CAMKK2: variants seen among roughly 807,000 people sequenced by gnomAD.
The protein encoded by CAMKK2 is calcium/calmodulin-dependent protein kinase kinase 2.
A neutral mutation model predicts 67.2 loss-of-function variants in CAMKK2; 30 were observed. The ratio of observed to expected loss-of-function variants is 0.45; its 90% confidence interval spans 0.33 to 0.61. The LOEUF (loss-of-function observed/expected upper bound fraction) is 0.61. Among genes scored for constraint, CAMKK2 ranks in the 20% least tolerant of loss-of-function variants. CAMKK2 has a pLI of 0.02. For missense variants in CAMKK2, 643 were observed against 802.0 expected (o/e 0.80, Z 2.39); for synonymous variants, 322 against 326.2 (o/e 0.99, Z 0.14).
chr12:121,279,811 G>A (rs1054548152), intron 1 of CAMKK2, among the ~76,000 whole-genome samples: 12 of 152,194 alleles, frequency 7.9e-5, no homozygotes, highest in South Asian at 2.1e-4. Context: ...AGATGGACCC[G>A]GGACCCGGGC....
chr12:121,297,435 C>G, upstream of CAMKK2: 1 of 373,694 alleles, frequency 2.7e-6, no homozygotes, highest in Non-Finnish European at 5.4e-6. Flanking sequence ...CCCAGCCCAC[C>G]TGGATGCACC....
chr12:121,272,655 G>A (rs1405414740), intron 2 of CAMKK2, among the ~76,000 whole-genome samples: 5 of 150,446 alleles, frequency 3.3e-5, no homozygotes, highest in African/African-American at 1.2e-4. Flanking sequence ...CTGAGGTCAG[G>A]AGTTCGAGAC....
chr12:121,244,115 A>G, intron 16 of CAMKK2: 1 of 1,611,986 alleles, frequency 6.2e-7, no homozygotes, highest in Non-Finnish European at 8.5e-7. Flanking sequence ...CAGGAAGGGG[A>G]CTTATTTTCT....
chr12:121,267,101 A>ATTT (rs1894763947), intron 5 of CAMKK2, among the ~76,000 whole-genome samples: 1 of 30,414 alleles, frequency 3.3e-5, no homozygotes, highest in African/African-American at 1.5e-4. Flanking sequence ...TTTTTAATTT[A>ATTT]TCTTTTTTTT....
intron 9 of CAMKK2, among the ~76,000 whole-genome samples, chr12:121,254,866 G>A (rs1195091062): frequency 6.6e-6 from 1 of 152,064 alleles, no homozygotes; most frequent in Non-Finnish European, 1.5e-5. Flanking sequence ...TGATTGGACT[G>A]AAGGATACAA....
upstream of CAMKK2, chr12:121,297,635 G>T (rs1363030966): frequency 3.9e-6 from 2 of 517,470 alleles, no homozygotes; most frequent in East Asian, 1.1e-4. Flanking sequence ...TCCCTGAACC[G>T]TCCTACGGGG....
rs56060597 is a variant in CAMKK2, at chr12:121,263,929, T to C, written c.636A>G (p.Pro212=). Residue 212 remains proline, a synonymous_variant, in exon 6 of 17, where the codon CCA becomes CCG. Transcript: ENST00000404169. ...CAGGAGCTGGCCGGGTGCCTCGGGGTGGAGGGCGACCTGAAGGAAACAAAA... is the reference window on the plus strand; with the variant it reads ...CAGGAGCTGGCCGGGTGCCTCGGGGCGGAGGGCGACCTGAAGGAAACAAAA... ...IRQAGFPRRP[P]PRGTRPAPGG... 7,372 of 1,600,792 alleles carry C rather than the reference T, an allele frequency of 4.6e-3. 20 individuals carry two copies. Among genetic ancestry groups the C allele is most frequent in the Non-Finnish European group, 4.8e-3 (5,589 of 1,170,922 alleles).
At chr12:121,287,321 G>A (rs1446599189) in intron 1 of CAMKK2, among the ~76,000 whole-genome samples, 1 of 152,158 alleles carries the variant, frequency 6.6e-6, no homozygotes, top group Non-Finnish European at 1.5e-5. Flanking sequence ...ATTAAAAATA[G>A]CGTATGCATA....
chr12:121,262,351 A>C (rs1893625112), intron 6 of CAMKK2, among the ~76,000 whole-genome samples: 1 of 151,988 alleles, frequency 6.6e-6, no homozygotes, highest in South Asian at 2.1e-4. Flanking sequence ...TCTCCATTAA[A>C]AATACAAAAA....
intron 1 of CAMKK2, among the ~76,000 whole-genome samples, chr12:121,284,396 C>T (rs1225689709): frequency 1.3e-5 from 2 of 150,508 alleles, no homozygotes; most frequent in African/African-American, 4.9e-5. Context: ...GTGATCTCGG[C>T]TCAGCGCAAC....
At chr12:121,260,602 G>C (rs975384973) in intron 6 of CAMKK2, 1 of 541,706 alleles carries the variant, frequency 1.8e-6, no homozygotes, top group East Asian at 3.3e-5. Flanking sequence ...TCAGGAGGTC[G>C]CAAAAGGGAG....
At position 121,240,521 on chromosome 12, in the gene CAMKK2, G is replaced by C. The variant is rs773215768; in HGVS notation, c.*178C>G. On this transcript the variant is annotated 3_prime_UTR_variant, in exon 17 of 17. Coordinates refer to ENST00000404169, the MANE Select transcript of CAMKK2 (RefSeq NM_001270485.2). The surrounding 1 kb of genome is among the most constrained non-coding windows in gnomAD (Gnocchi z 4.4). ...GCCACGGTCGACGTCATGGAGTCAA[G>C]TCCTTTTTTTTTTTTTGTCCCCTTT... The C allele has an allele frequency of 2.8e-6, 4 of 1,439,686 alleles. No individual in the cohort carries two copies. In the South Asian group the frequency reaches 4.9e-5, roughly 18 times the overall value. The allele number at this position is 1,439,686 out of a possible 1,614,324, so 89.2% of individuals were successfully genotyped here. A position where few individuals can be genotyped will look rare whatever the true frequency, so the allele number is the denominator to read the frequency against.
intron 5 of CAMKK2, among the ~76,000 whole-genome samples, chr12:121,266,530 T>C (rs1283115705): frequency 1.3e-5 from 2 of 149,098 alleles, no homozygotes; most frequent in Non-Finnish European, 3.0e-5. Context: ...GGAGTCTCGC[T>C]CTGTCGCCTA....
intron 7 of CAMKK2, among the ~76,000 whole-genome samples, chr12:121,257,843 A>C (rs1340983664): frequency 2.0e-5 from 3 of 152,038 alleles, no homozygotes; most frequent in Non-Finnish European, 2.9e-5. Flanking sequence ...CTTCACTTGC[A>C]AGCTTCATGA....
rs566389667 is a variant in CAMKK2 at position 121,265,248 on chromosome 12, C to T, written c.626-1309G>A. Among the ~76,000 whole-genome samples the T allele has an allele frequency of 2.5e-3, 377 of 152,072 alleles. 2 individuals carry two copies. Among genetic ancestry groups the T allele is most frequent in the African/African-American group, 8.8e-3 (365 of 41,456 alleles). ...GTGATCGGCCTTGGAAAAGCAAAGG[C>T]AGAAGTACAGGTGTCAGAGGGAGGA... On this transcript the variant is annotated intron_variant, in intron 5 of 16. Coordinates refer to ENST00000404169, the MANE Select transcript of CAMKK2 (RefSeq NM_001270485.2).
rs754778611 is a variant in CAMKK2 at position 121,245,051 on chromosome 12, G to A, written c.1553+89C>T. On this transcript the variant is annotated intron_variant, in intron 15 of 16. Coordinates refer to ENST00000404169, the MANE Select transcript of CAMKK2 (RefSeq NM_001270485.2). The surrounding 1 kb of genome is among the most constrained non-coding windows in gnomAD (Gnocchi z 5.8). ...TCTCCAGATGGCACCACTTCAGGGA[G>A]GACCTGTGCAGAGTGGTCTGGGCAG... The A allele has an allele frequency of 8.0e-6, 7 of 870,220 alleles. No individual in the cohort carries two copies. Among genetic ancestry groups the A allele is most frequent in the Non-Finnish European group, 1.3e-5 (7 of 535,858 alleles). The allele number at this position is 870,220 out of a possible 1,614,324, so 53.9% of individuals were successfully genotyped here.
chr12:121,288,770 T>C (rs1899325665), intron 1 of CAMKK2, among the ~76,000 whole-genome samples: 1 of 151,876 alleles, frequency 6.6e-6, no homozygotes, highest in Non-Finnish European at 1.5e-5. Context: ...CCCTCTCTTT[T>C]CCAGGTTGGG....
intron 13 of CAMKK2, 109 bp from the exon 14 acceptor site, chr12:121,248,843 G>T: frequency 7.6e-7 from 1 of 1,320,972 alleles, no homozygotes; most frequent in Non-Finnish European, 1.1e-6. Context: ...AAGGGCCTGT[G>T]GTCAGGCATG....
intron 16 of CAMKK2, among the ~76,000 whole-genome samples, chr12:121,241,792 C>T (rs533148305): frequency 2.0e-5 from 3 of 152,214 alleles, no homozygotes; most frequent in East Asian, 3.9e-4. Context: ...TGTAACTAGA[C>T]GTTAGGTCAG....
Sources: gnomAD v4.1 joint callset for allele counts (sites outside exome capture counted in the v4.1 genomes callset) on GRCh38, gnomAD v4.1.1 for gene constraint, Gnocchi (gnomAD v3.1) non-coding constraint, MANE v1.5 for transcripts, NCBI Gene and HGNC (gene_info 2026-07-23, HGNC 2026-07-21) for gene names.